The following SLC35D4 variants were observed in gnomAD, a reference collection of about 807,000 sequenced individuals.
The protein encoded by SLC35D4 is solute carrier family 35 member D4.
chr18:23,309,528 TAAAGA>T, the SLC35D4 span: 1 of 640,072 alleles, frequency 1.6e-6, no homozygotes, highest in Non-Finnish European at 2.7e-6. Context: ...TTTTTTTTTT[TAAAGA>T]AAGCTTCGCT....
At chr18:23,378,175 T>A in the SLC35D4 span, among the ~76,000 whole-genome samples, 1 of 151,738 alleles carries the variant, frequency 6.6e-6, no homozygotes, top group African/African-American at 2.4e-5. Flanking sequence ...TGAGCCACCA[T>A]GTATGGCTAC....
the SLC35D4 span, among the ~76,000 whole-genome samples, chr18:23,389,897 T>C: frequency 1.3e-5 from 2 of 152,166 alleles, no homozygotes; most frequent in East Asian, 3.9e-4. Context: ...CAATTCCTAA[T>C]GTGAACTATA....
chr18:23,346,906 T>C, the SLC35D4 span, among the ~76,000 whole-genome samples: 1 of 152,252 alleles, frequency 6.6e-6, no homozygotes, highest in East Asian at 1.9e-4. Flanking sequence ...TTTTATATGT[T>C]GCCAAATTTG....
the SLC35D4 span, among the ~76,000 whole-genome samples, chr18:23,290,439 T>A: frequency 0.024 from 3,728 of 152,238 alleles, 51 homozygotes; most frequent in Middle Eastern, 0.054. Context: ...TCACCTGAAA[T>A]CTACAGCCCA....
chr18:23,400,316 C>T, the SLC35D4 span, among the ~76,000 whole-genome samples: 1 of 152,182 alleles, frequency 6.6e-6, no homozygotes, highest in African/African-American at 2.4e-5. Context: ...ACCTGCTTCT[C>T]TCATCAGTTA....
chr18:23,275,266 T>C, the SLC35D4 span, among the ~76,000 whole-genome samples: 132 of 152,268 alleles, frequency 8.7e-4, no homozygotes, highest in African/African-American at 3.1e-3. Flanking sequence ...CCAACAGACC[T>C]TGGGCGCCTC....
the SLC35D4 span, among the ~76,000 whole-genome samples, chr18:23,289,587 T>G: frequency 6.6e-6 from 1 of 152,148 alleles, no homozygotes; most frequent in South Asian, 2.1e-4. Flanking sequence ...CCCAAAATTT[T>G]CACCATCTCA....
chr18:23,252,727 G>A, the SLC35D4 span, among the ~76,000 whole-genome samples: 12 of 152,228 alleles, frequency 7.9e-5, no homozygotes, highest in South Asian at 8.3e-4. Context: ...TCTACAGGCC[G>A]GCTTTCCTAA....
chr18:23,271,377 C>T, the SLC35D4 span, among the ~76,000 whole-genome samples: 116 of 152,314 alleles, frequency 7.6e-4, no homozygotes, highest in African/African-American at 2.6e-3. Flanking sequence ...ATGGTAAATG[C>T]AAGTATACAC....
At chr18:23,402,127 C>T in the SLC35D4 span, among the ~76,000 whole-genome samples, 1 of 152,218 alleles carries the variant, frequency 6.6e-6, no homozygotes, top group Non-Finnish European at 1.5e-5. Context: ...TGCAGAGCCA[C>T]CATGCTGTCA....
the SLC35D4 span, among the ~76,000 whole-genome samples, chr18:23,352,768 T>C: frequency 3.2e-4 from 48 of 152,182 alleles, no homozygotes; most frequent in Non-Finnish European, 6.3e-4. Context: ...CAGTGACACA[T>C]ATGGCTGAGG....
At chr18:23,393,283 G>A in the SLC35D4 span, among the ~76,000 whole-genome samples, 1 of 151,762 alleles carries the variant, frequency 6.6e-6, no homozygotes, top group Admixed American at 6.6e-5. Flanking sequence ...CCATTTTTAA[G>A]AGCATAGTCC....
At chr18:23,304,852 T>A in the SLC35D4 span, among the ~76,000 whole-genome samples, 2 of 152,198 alleles carry the variant, frequency 1.3e-5, no homozygotes, top group Non-Finnish European at 2.9e-5. Flanking sequence ...CCTCTTCCTC[T>A]GCATAAGGCC....
At chr18:23,251,578 A>G in the SLC35D4 span, among the ~76,000 whole-genome samples, 1 of 152,246 alleles carries the variant, frequency 6.6e-6, no homozygotes, top group East Asian at 1.9e-4. Flanking sequence ...TTCAGAGTTC[A>G]CAGTGCAGGG....
the SLC35D4 span, among the ~76,000 whole-genome samples, chr18:23,279,538 T>G: frequency 6.6e-6 from 1 of 152,030 alleles, no homozygotes; most frequent in Non-Finnish European, 1.5e-5. Context: ...GTAATCAAGT[T>G]AAAATGAGGT....
chr18:23,350,357 C>G, the SLC35D4 span, among the ~76,000 whole-genome samples: 1 of 152,136 alleles, frequency 6.6e-6, no homozygotes, highest in African/African-American at 2.4e-5. Flanking sequence ...ACACCTTGGG[C>G]CAGAAAGGCT....
At chr18:23,255,521 A>G in the SLC35D4 span, among the ~76,000 whole-genome samples, 1 of 152,042 alleles carries the variant, frequency 6.6e-6, no homozygotes, top group Admixed American at 6.5e-5. Context: ...TGAGCTGAGA[A>G]TCAGTAGGCT....
chr18:23,319,324 G>A, the SLC35D4 span, among the ~76,000 whole-genome samples: 7 of 146,896 alleles, frequency 4.8e-5, no homozygotes, highest in African/African-American at 1.8e-4. Context: ...AGGCTGGAGT[G>A]CAATAGCACG....
At chr18:23,255,585 G>A in the SLC35D4 span, among the ~76,000 whole-genome samples, 1 of 146,756 alleles carries the variant, frequency 6.8e-6, no homozygotes, top group Admixed American at 6.7e-5. Context: ...TTTGAGACAG[G>A]GTCTCACTCT....
Sources: gnomAD v4.1 joint callset for allele counts (sites outside exome capture counted in the v4.1 genomes callset) on GRCh38, gnomAD v4.1.1 for gene constraint, MANE v1.5 for transcripts, NCBI Gene and HGNC (gene_info 2026-07-23, HGNC 2026-07-21) for gene names.